COL22A1: variants seen among roughly 807,000 people sequenced by gnomAD.
COL22A1 encodes the protein collagen type XXII alpha 1 chain.
COL22A1 carries 221 observed loss-of-function variants against 248.9 expected under a neutral mutation model. That is an observed-to-expected ratio of 0.89 (90% CI 0.80 to 0.99). COL22A1 has a LOEUF of 0.99. Among genes scored for constraint, COL22A1 ranks in the 50% least tolerant of loss-of-function variants. The pLI is 0.00. For missense variants in COL22A1, 2,240 were observed against 2,179.0 expected (o/e 1.03, Z -0.56); for synonymous variants, 891 against 793.4 (o/e 1.12, Z -2.07).
rs778243768 is a variant in COL22A1, at chr8:138,783,298, TA to T, written c.1597-2319del. Among the ~76,000 whole-genome samples, 313 of 151,942 alleles carry T rather than the reference TA, an allele frequency of 2.1e-3. 1 individual carries two copies. The highest frequency in any genetic ancestry group is 6.7e-3 in the African/African-American group (279 of 41,406). ...TAGAGGGACAGAACAAATATATATA[TA>T]TTTTTTTCAAAGGGGGAGTTTATTA... On this transcript the variant is annotated intron_variant, in intron 12 of 64. Coordinates refer to ENST00000303045, the MANE Select transcript of COL22A1 (RefSeq NM_152888.3).
intron 30 of COL22A1, among the ~76,000 whole-genome samples, chr8:138,712,148 C>T (rs528256236): frequency 6.6e-6 from 1 of 152,300 alleles, no homozygotes; most frequent in East Asian, 1.9e-4. Context: ...TGCTCTTTAA[C>T]AACTCTGAGG....
intron 36 of COL22A1, among the ~76,000 whole-genome samples, 183 bp downstream of exon 36, chr8:138,690,638 C>T (rs1406471157): frequency 6.6e-6 from 1 of 152,094 alleles, no homozygotes; most frequent in African/African-American, 2.4e-5. Context: ...TGGCGAGTTG[C>T]CTAGGGCTCA....
At chr8:138,700,495 T>C (rs1198411125) in intron 31 of COL22A1, among the ~76,000 whole-genome samples, 1 of 152,136 alleles carries the variant, frequency 6.6e-6, no homozygotes, top group Non-Finnish European at 1.5e-5. Flanking sequence ...GCCAGGACAC[T>C]GGATTCATGT....
chr8:138,901,695 A>G (rs1190889926), intron 1 of COL22A1, among the ~76,000 whole-genome samples: 1 of 152,018 alleles, frequency 6.6e-6, no homozygotes, highest in Non-Finnish European at 1.5e-5. Context: ...ACATCCTCAC[A>G]AGACCCAAAA....
rs775483638 is a variant in COL22A1, at chr8:138,596,888, C to T, written c.4432+16G>A. 10 of 1,612,816 alleles carry T rather than the reference C, an allele frequency of 6.2e-6. No homozygotes were observed. The East Asian group carries it at 1.8e-4, about 29-fold the overall frequency. On this transcript the variant is annotated intron_variant, in intron 62 of 64. Transcript: ENST00000303045. The stretch of plus-strand genomic sequence containing the variant: ...GGCTCTTCTCTGCAAGACCGTAACA[C>T]AGTCCAGATACTCACTTTCAAGCTG...
intron 39 of COL22A1, among the ~76,000 whole-genome samples, chr8:138,681,671 G>T (rs539103561): frequency 4.6e-5 from 7 of 152,214 alleles, no homozygotes; most frequent in Non-Finnish European, 8.8e-5. Flanking sequence ...AGCCTGCCAC[G>T]TATCTTCAGA....
At chr8:138,614,581 T>C (rs1191818230) in intron 55 of COL22A1, among the ~76,000 whole-genome samples, 1 of 152,212 alleles carries the variant, frequency 6.6e-6, no homozygotes, top group Non-Finnish European at 1.5e-5. Flanking sequence ...TCTAGCCCTA[T>C]GTACTGGGCG....
At chr8:138,864,631 A>T (rs1187435194) in intron 3 of COL22A1, among the ~76,000 whole-genome samples, 1 of 152,220 alleles carries the variant, frequency 6.6e-6, no homozygotes, top group African/African-American at 2.4e-5. Context: ...CTAAGTACGT[A>T]AGCTTCCTTT....
chr8:138,894,084 GA>G (rs1303481100), intron 1 of COL22A1, among the ~76,000 whole-genome samples: 2 of 152,200 alleles, frequency 1.3e-5, no homozygotes, highest in Non-Finnish European at 2.9e-5. Flanking sequence ...AGAAAACAAT[GA>G]AAATTCAGGC....
At chr8:138,630,096 C>T (rs1355761557) in intron 50 of COL22A1, among the ~76,000 whole-genome samples, 1 of 152,188 alleles carries the variant, frequency 6.6e-6, no homozygotes, top group Non-Finnish European at 1.5e-5. Context: ...ATAATACCTA[C>T]TAAACTGTGG....
chr8:138,694,575 A>G lies in COL22A1; in HGVS notation c.2647-14T>C. On this transcript the variant is annotated splice_polypyrimidine_tract_variant and intron_variant, in intron 33 of 64. Coordinates refer to ENST00000303045, the MANE Select transcript of COL22A1 (RefSeq NM_152888.3). Reference sequence around the variant, plus strand: ...GCCCTGCAGTCCCTGTAAGCACACAAGTTGCCATGAACCAGCTCATCCTCC... The same window carrying G: ...GCCCTGCAGTCCCTGTAAGCACACAGGTTGCCATGAACCAGCTCATCCTCC... 1.2e-6 allele frequency: 2 copies of G among 1,613,680 alleles called. No individual in the cohort carries two copies.
In COL22A1 at chr8:138,878,145, G is replaced by C; in HGVS notation, c.263C>G (p.Thr88Arg). 6.2e-7 allele frequency: 1 copy of C among 1,605,790 alleles called. No homozygotes were observed. Among genetic ancestry groups the C allele is most frequent in the Non-Finnish European group, 8.5e-7 (1 of 1,176,942 alleles). The change falls in exon 3 of 65, where the codon ACG becomes AGG. Residue 88 changes from threonine to arginine, a missense_variant. Coordinates refer to ENST00000303045, the MANE Select transcript of COL22A1 (RefSeq NM_152888.3). Reference protein sequence around the residue: ...GVVRYSDRPTTAFELGLFGSQ... With the variant: ...GVVRYSDRPTRAFELGLFGSQ... ...GCCAAAGAGTCCCAACTCGAAGGCC[G>C]TGGTGGGCCGGTCGCTGTAGCGCAC...
intron 51 of COL22A1, 47 bp from the exon 52 acceptor site, chr8:138,623,832 G>C (rs746829183): frequency 6.4e-7 from 1 of 1,553,664 alleles, no homozygotes; most frequent in Non-Finnish European, 8.8e-7. Context: ...AAGATTCGAG[G>C]GGATGGAAAG....
At chr8:138,697,424 C>T (rs986898632) in intron 32 of COL22A1, among the ~76,000 whole-genome samples, 2 of 152,170 alleles carry the variant, frequency 1.3e-5, no homozygotes, top group Non-Finnish European at 2.9e-5. Context: ...TTACAAAACC[C>T]TGCTTGAGTT....
intron 61 of COL22A1, among the ~76,000 whole-genome samples, chr8:138,598,309 A>G (rs1044540270): frequency 6.6e-6 from 1 of 152,168 alleles, no homozygotes; most frequent in Non-Finnish European, 1.5e-5. Context: ...ATCGAAATGG[A>G]TGGTAAACCA....
intron 23 of COL22A1, among the ~76,000 whole-genome samples, chr8:138,736,234 C>A (rs1265409759): frequency 1.3e-5 from 2 of 151,772 alleles, no homozygotes; most frequent in Non-Finnish European, 2.9e-5. Flanking sequence ...TCAGCATGAA[C>A]TTACTGATGC....
intron 30 of COL22A1, among the ~76,000 whole-genome samples, chr8:138,704,419 G>A (rs1254001354): frequency 6.6e-6 from 1 of 152,218 alleles, no homozygotes; most frequent in Non-Finnish European, 1.5e-5. Flanking sequence ...GCCCCTCTGA[G>A]ACGAAGCTTC....
intron 30 of COL22A1, among the ~76,000 whole-genome samples, chr8:138,707,353 A>C (rs577339590): frequency 2.6e-5 from 4 of 152,240 alleles, no homozygotes; most frequent in Non-Finnish European, 5.9e-5. Context: ...ATTTTAGACC[A>C]ATATCCCTGA....
intron 45 of COL22A1, among the ~76,000 whole-genome samples, chr8:138,653,422 T>C (rs1822935671): frequency 6.6e-6 from 1 of 152,200 alleles, no homozygotes; most frequent in Non-Finnish European, 1.5e-5. Flanking sequence ...CTCACTGGGT[T>C]TGAGTCTTGG....
Sources: gnomAD v4.1 joint callset for allele counts (sites outside exome capture counted in the v4.1 genomes callset) on GRCh38, gnomAD v4.1.1 for gene constraint, MANE v1.5 for transcripts, NCBI Gene and HGNC (gene_info 2026-07-23, HGNC 2026-07-21) for gene names.